The following HECTD4 variants were observed in gnomAD, a reference collection of about 807,000 sequenced individuals.
HECTD4 encodes the protein HECT domain E3 ubiquitin protein ligase 4.
In HECTD4, 114 loss-of-function variants were observed where a neutral mutation model predicts 471.5. That is an observed-to-expected ratio of 0.24 (90% confidence interval 0.21 to 0.28). The LOEUF is 0.28. Ranked by LOEUF, HECTD4 falls within the 10% of genes least tolerant of loss-of-function variation. The probability of loss-of-function intolerance (pLI) is 1.00; values close to 1 mark genes in which losing one functional copy is unlikely to be tolerated. For synonymous variants in HECTD4, 2,012 were observed against 2,256.0 expected (o/e 0.89, Z 3.07); for missense variants, 3,866 against 5,651.5 (o/e 0.68, Z 10.13).
In HECTD4 at chr12:112,161,085, A is replaced by G. The variant is rs914968501; in HGVS notation, c.*1302T>C. 1.3e-5 allele frequency: 2 copies of G among 152,194 alleles called. No homozygotes were observed. The highest frequency in any genetic ancestry group is 6.5e-5 in the Admixed American group (1 of 15,278). 9.4% of individuals were successfully genotyped at this position (152,194 alleles called of 1,614,324 possible). ...CTTGGACCAGCATCCACACTCCAAA[A>G]CCTTCTAGACAGCACTCACTCAAAA... On this transcript the variant is annotated 3_prime_UTR_variant, in exon 76 of 76. Transcript: ENST00000682272.
chr12:112,267,773 C>A (rs989119783), intron 13 of HECTD4, among the ~76,000 whole-genome samples: 4 of 152,104 alleles, frequency 2.6e-5, no homozygotes, highest in Non-Finnish European at 4.4e-5. Flanking sequence ...GCATCAGAAT[C>A]TTTTTTCTTT....
At chr12:112,347,614 C>A (rs1202473009) in intron 1 of HECTD4, among the ~76,000 whole-genome samples, 1 of 152,210 alleles carries the variant, frequency 6.6e-6, no homozygotes, top group Non-Finnish European at 1.5e-5. Flanking sequence ...ACTTGCACTT[C>A]AGTTACCTAA....
chr12:112,221,768 T>C (rs959045541), intron 44 of HECTD4, among the ~76,000 whole-genome samples: 5 of 151,534 alleles, frequency 3.3e-5, no homozygotes, highest in African/African-American at 9.7e-5. Context: ...CTTTTTTTTT[T>C]TTTTGAGATG....
chr12:112,336,450 G>C (rs1020154047), intron 1 of HECTD4, among the ~76,000 whole-genome samples: 2 of 151,906 alleles, frequency 1.3e-5, no homozygotes, highest in Non-Finnish European at 2.9e-5. Flanking sequence ...GTGAACCTGG[G>C]AGGCGGAGCT....
chr12:112,184,283 C>T lies in HECTD4; in HGVS notation c.10683G>A (p.Thr3561=), dbSNP rs752290944. ...TGGAGCCCATGTCCGACACCGAGGCCGTCTCTGCATTGTCCAGGGGCTCCC... is the reference window on the plus strand; with the variant it reads ...TGGAGCCCATGTCCGACACCGAGGCTGTCTCTGCATTGTCCAGGGGCTCCC... ...SLGEPLDNAE[T]ASVSDMGSMY... is the part of the protein sequence containing the mutation. Residue 3561 remains threonine, a synonymous_variant, in exon 61 of 76, where the codon ACG becomes ACA. Coordinates refer to ENST00000682272, the MANE Select transcript of HECTD4 (RefSeq NM_001388303.1). The surrounding 1 kb of genome is among the most constrained non-coding windows in gnomAD (Gnocchi z 9.1). 1.2e-5 allele frequency: 19 copies of T among 1,613,500 alleles called. No individual in the cohort carries two copies. Among genetic ancestry groups the T allele is most frequent in the Admixed American group, 5.0e-5 (3 of 60,020 alleles).
chr12:112,296,620 G>C (rs1263549744), intron 7 of HECTD4, among the ~76,000 whole-genome samples: 1 of 150,128 alleles, frequency 6.7e-6, no homozygotes, highest in East Asian at 2.0e-4. Flanking sequence ...TAGGTGCATT[G>C]GATGTAGGTG....
At chr12:112,175,698 T>C in intron 66 of HECTD4, 38 bp downstream of exon 66, 4 of 1,597,766 alleles carry the variant, frequency 2.5e-6, no homozygotes, top group Non-Finnish European at 2.6e-6. Flanking sequence ...ACAATTTCTA[T>C]GCAAGGTGCC....
intron 14 of HECTD4, among the ~76,000 whole-genome samples, chr12:112,266,361 C>T (rs558266045): frequency 6.6e-6 from 1 of 152,336 alleles, no homozygotes; most frequent in East Asian, 1.9e-4. Flanking sequence ...ATTTATTAAA[C>T]ATCTATAGTC....
At chr12:112,366,282 T>A (rs2036556204) in intron 1 of HECTD4, among the ~76,000 whole-genome samples, 1 of 151,620 alleles carries the variant, frequency 6.6e-6, no homozygotes, top group African/African-American at 2.4e-5. Flanking sequence ...CCAAGGTGGG[T>A]AGACAACTTG....
Position 112,319,799 on chromosome 12 carries a change from A to C in HECTD4, c.178-57T>G. On this transcript the variant is annotated intron_variant, in intron 1 of 75. Transcript: ENST00000682272. The surrounding 1 kb of genome is among the most constrained non-coding windows in gnomAD (Gnocchi z 5.3). Reference sequence around the variant, plus strand: ...ATATTACTTTCACCAAAGTCATCTAAGGAAGAAAATATGTTTAATGATATC... The same window carrying C: ...ATATTACTTTCACCAAAGTCATCTACGGAAGAAAATATGTTTAATGATATC... 1.7e-6 allele frequency: 2 copies of C among 1,189,816 alleles called. No homozygotes were observed. Among genetic ancestry groups the C allele is most frequent in the Non-Finnish European group, 2.1e-6 (2 of 947,182 alleles). The allele number at this position is 1,189,816 out of a possible 1,614,324, so 73.7% of individuals were successfully genotyped here.
At chr12:112,359,371 C>G (rs147702193) in intron 1 of HECTD4, among the ~76,000 whole-genome samples, 1 of 151,998 alleles carries the variant, frequency 6.6e-6, no homozygotes, top group East Asian at 1.9e-4. Flanking sequence ...CAGGACCACC[C>G]CCCTCCCCAG....
intron 1 of HECTD4, among the ~76,000 whole-genome samples, chr12:112,332,081 G>T (rs2035854878): frequency 1.3e-5 from 2 of 151,964 alleles, no homozygotes; most frequent in African/African-American, 4.8e-5. Context: ...GTCTTCCTAA[G>T]ACTGAAGGGC....
intron 45 of HECTD4, among the ~76,000 whole-genome samples, chr12:112,218,630 A>C (rs1043068442): frequency 6.6e-6 from 1 of 152,148 alleles, no homozygotes; most frequent in African/African-American, 2.4e-5. Flanking sequence ...TGGCTATTGC[A>C]TATTTTATTT....
chr12:112,256,354 T>G lies in HECTD4; in HGVS notation c.3293A>C (p.Asp1098Ala), dbSNP rs757735751. ...GTCATATTGCGAAGAGCATCTGCTA[T>G]CAAATCTAAGGTACAGGCAGCGAGC... ...PGARCLYLRF[D>A]SRCSSQYDYD... is the part of the protein sequence containing the mutation. Residue 1098 changes from aspartate (D) to alanine (A), a missense_variant, in exon 21 of 76, where the codon GAT becomes GCT. By Grantham distance (126) the Asp-to-Ala change is moderately radical. Coordinates refer to ENST00000682272, the MANE Select transcript of HECTD4 (RefSeq NM_001388303.1). 1.2e-6 allele frequency: 2 copies of G among 1,606,986 alleles called. No individual in the cohort carries two copies. The highest frequency in any genetic ancestry group is 8.5e-7 in the Non-Finnish European group (1 of 1,177,328).
intron 7 of HECTD4, among the ~76,000 whole-genome samples, chr12:112,292,744 C>G (rs2034914279): frequency 6.6e-6 from 1 of 152,156 alleles, no homozygotes. Context: ...ATCTTTCGGC[C>G]AGGTGCGGTG....
chr12:112,219,173 C>T (rs1192797627), intron 45 of HECTD4, among the ~76,000 whole-genome samples: 1 of 152,172 alleles, frequency 6.6e-6, no homozygotes, highest in Non-Finnish European at 1.5e-5. Flanking sequence ...CGCTCCCCTG[C>T]TATAATTTTC....
intron 53 of HECTD4, 97 bp downstream of exon 53, chr12:112,204,389 C>T: frequency 8.3e-7 from 1 of 1,203,002 alleles, no homozygotes; most frequent in Non-Finnish European, 1.2e-6. Context: ...AGGAGAGTCA[C>T]CCTAGGAGAA....
rs751056461 is a variant in HECTD4, at chr12:112,248,309, C to T, written c.4143+11G>A. 8.3e-6 allele frequency: 13 copies of T among 1,567,116 alleles called. No individual in the cohort carries two copies. The highest frequency in any genetic ancestry group is 1.0e-5 in the Non-Finnish European group (12 of 1,153,650). The stretch of plus-strand genomic sequence containing the variant: ...AAAAGAAATTGTTTCCAACAGTTAT[C>T]AGACATTTACCTGCAGCTGTCTCTC... On this transcript the variant is annotated intron_variant, in intron 26 of 75. Coordinates refer to ENST00000682272, the MANE Select transcript of HECTD4 (RefSeq NM_001388303.1).
At chr12:112,359,190 A>C (rs893462847) in intron 1 of HECTD4, among the ~76,000 whole-genome samples, 1 of 152,060 alleles carries the variant, frequency 6.6e-6, no homozygotes, top group Non-Finnish European at 1.5e-5. Context: ...CTCAAAAAAA[A>C]AAAAAGAACT....
Sources: gnomAD v4.1 joint callset for allele counts (sites outside exome capture counted in the v4.1 genomes callset) on GRCh38, gnomAD v4.1.1 for gene constraint, Gnocchi (gnomAD v3.1) non-coding constraint, MANE v1.5 for transcripts, NCBI Gene and HGNC (gene_info 2026-07-23, HGNC 2026-07-21) for gene names.